The following MACC1 variants were observed in gnomAD, a reference collection of about 807,000 sequenced individuals.
The protein encoded by MACC1 is metastasis-associated in colon cancer protein 1.
In MACC1, 79 loss-of-function variants were observed where a neutral mutation model predicts 70.7. The ratio of observed to expected loss-of-function variants is 1.12; its 90% CI spans 0.93 to 1.35. The LOEUF (loss-of-function observed/expected upper bound fraction) is 1.35. Ranked by LOEUF, MACC1 falls within the 40% of genes most tolerant of loss-of-function variation. The probability of loss-of-function intolerance (pLI) is 0.00; values close to 1 mark genes in which losing one functional copy is unlikely to be tolerated. For synonymous variants in MACC1, 361 were observed against 347.2 expected, an observed-to-expected ratio of 1.04 and a Z score of -0.44; for missense variants, 1,106 against 978.1, an observed-to-expected ratio of 1.13 and a Z score of -1.74.
At chr7:20,171,387 G>A (rs915655088) in intron 1 of MACC1, among the ~76,000 whole-genome samples, 10 of 151,522 alleles carry the variant, frequency 6.6e-5, no homozygotes, top group Non-Finnish European at 1.2e-4. Flanking sequence ...GAGTAGCTGG[G>A]ACTACACGTG....
At position 20,137,187 on chromosome 7, in the gene MACC1, T is replaced by G. The variant is rs1781730494; in HGVS notation, c.*3759A>C. On this transcript the variant is annotated 3_prime_UTR_variant, in exon 7 of 7. Coordinates refer to ENST00000400331, the MANE Select transcript of MACC1 (RefSeq NM_182762.4). ...GTCCTTCAACTTCCAGTTATAGCAT[T>G]GTACAAATTTGAGTGTATGCATGTT... The G allele has an allele frequency of 6.6e-6, 1 of 152,136 alleles. No individual in the cohort carries two copies. Among genetic ancestry groups the G allele is most frequent in the African/African-American group, 2.4e-5 (1 of 41,418 alleles). The allele number at this position is 152,136 out of a possible 1,614,324, so 9.4% of individuals were successfully genotyped here.
At chr7:20,192,868 T>A (rs7797884) in intron 1 of MACC1, among the ~76,000 whole-genome samples, 6,865 of 152,332 alleles carry the variant, frequency 0.045, 196 homozygotes, top group East Asian at 0.097. Flanking sequence ...CATCCCGTAC[T>A]GATGAAATTG....
chr7:20,182,927 T>A (rs1782532468), intron 1 of MACC1, among the ~76,000 whole-genome samples: 1 of 152,240 alleles, frequency 6.6e-6, no homozygotes, highest in Admixed American at 6.5e-5. Flanking sequence ...ATTCTTATTC[T>A]GTAAAGATCT....
At chr7:20,209,251 C>T (rs1235485979) in intron 1 of MACC1, among the ~76,000 whole-genome samples, 1 of 152,172 alleles carries the variant, frequency 6.6e-6, no homozygotes, top group African/African-American at 2.4e-5. Context: ...AATGGTAAAT[C>T]TACTGACATT....
At chr7:20,169,223 C>A (rs1782264961) in intron 2 of MACC1, among the ~76,000 whole-genome samples, 1 of 152,134 alleles carries the variant, frequency 6.6e-6, no homozygotes, top group South Asian at 2.1e-4. Flanking sequence ...TAACTTTAAG[C>A]AATAGATGTT....
intron 1 of MACC1, among the ~76,000 whole-genome samples, chr7:20,202,171 T>C (rs1246610147): frequency 1.3e-5 from 2 of 152,208 alleles, no homozygotes; most frequent in African/African-American, 4.8e-5. Flanking sequence ...AGTGAAAGGA[T>C]AGTGTAGACA....
chr7:20,215,752 T>C (rs150233814), intron 1 of MACC1, among the ~76,000 whole-genome samples: 104 of 152,320 alleles, frequency 6.8e-4, no homozygotes, highest in African/African-American at 2.4e-3. Context: ...ATTAGTATAA[T>C]TCCAAAATGT....
intron 1 of MACC1, among the ~76,000 whole-genome samples, chr7:20,175,464 AC>A (rs1274247119): frequency 1.3e-5 from 2 of 152,236 alleles, no homozygotes; most frequent in African/African-American, 2.4e-5. Flanking sequence ...ACATAAAAAA[AC>A]ACTTATAGGT....
intron 1 of MACC1, among the ~76,000 whole-genome samples, chr7:20,185,355 A>G (rs1782569884): frequency 6.6e-6 from 1 of 152,192 alleles, no homozygotes; most frequent in African/African-American, 2.4e-5. Context: ...AATTACCTAA[A>G]CCAAGGAGGC....
At chr7:20,145,674 G>T (rs926956947) in intron 6 of MACC1, among the ~76,000 whole-genome samples, 1 of 152,048 alleles carries the variant, frequency 6.6e-6, no homozygotes, top group Non-Finnish European at 1.5e-5. Context: ...CAAGAAGAAA[G>T]GTTAACTTCC....
At chr7:20,145,848 CTA>C (rs1206690035) in intron 6 of MACC1, among the ~76,000 whole-genome samples, 2 of 152,198 alleles carry the variant, frequency 1.3e-5, no homozygotes, top group East Asian at 3.9e-4. Context: ...ATTGGGGGAA[CTA>C]TGTTTTCCCT....
chr7:20,176,324 G>C (rs915389217), intron 1 of MACC1, among the ~76,000 whole-genome samples: 5 of 151,984 alleles, frequency 3.3e-5, no homozygotes, highest in Admixed American at 3.3e-4. Flanking sequence ...CTATACATGA[G>C]ATAAAATGGC....
At chr7:20,166,734 G>A (rs1782225984) in intron 2 of MACC1, among the ~76,000 whole-genome samples, 1 of 152,142 alleles carries the variant, frequency 6.6e-6, no homozygotes, top group African/African-American at 2.4e-5. Context: ...CTCCAACCCT[G>A]GGAACTCAAA....
intron 5 of MACC1, 25 bp from the exon 6 acceptor site, chr7:20,154,406 A>G (rs748240789): frequency 1.9e-6 from 3 of 1,599,900 alleles, no homozygotes; most frequent in East Asian, 2.2e-5. Context: ...ACATGTCACA[A>G]TTAAAAGCAA....
At chr7:20,215,746 G>C (rs1015732670) in intron 1 of MACC1, among the ~76,000 whole-genome samples, 3 of 152,108 alleles carry the variant, frequency 2.0e-5, no homozygotes, top group African/African-American at 7.2e-5. Flanking sequence ...TTCAAAATTA[G>C]TATAATTCCA....
rs532712965 is a variant in MACC1 at position 20,139,981 on chromosome 7, G to A, written c.*965C>T. 5 of 151,918 alleles carry A rather than the reference G, an allele frequency of 3.3e-5. No individual in the cohort carries two copies. Among genetic ancestry groups the A allele is most frequent in the African/African-American group, 4.8e-5 (2 of 41,432 alleles). 9.4% of individuals were successfully genotyped at this position (151,918 alleles called of 1,614,324 possible). On this transcript the variant is annotated 3_prime_UTR_variant, in exon 7 of 7. Coordinates refer to ENST00000400331, the MANE Select transcript of MACC1 (RefSeq NM_182762.4). ...TGGTGGTGGTGGTTTTTAATAACTC[G>A]TATTATTAAAAATCTCCAAGAGCTA...
At chr7:20,141,483 G>C (rs1781801014) in intron 6 of MACC1, among the ~76,000 whole-genome samples, 1 of 151,958 alleles carries the variant, frequency 6.6e-6, no homozygotes, top group Non-Finnish European at 1.5e-5. Context: ...AAATGTTATT[G>C]AGATAGGCTT....
intron 1 of MACC1, among the ~76,000 whole-genome samples, chr7:20,202,961 A>G (rs1010655035): frequency 2.6e-5 from 4 of 152,188 alleles, no homozygotes; most frequent in Non-Finnish European, 4.4e-5. Context: ...GTGAGCAAAG[A>G]TAAGTATGTA....
chr7:20,188,254 A>G (rs1321503517), intron 1 of MACC1, among the ~76,000 whole-genome samples: 6 of 152,120 alleles, frequency 3.9e-5, no homozygotes, highest in African/African-American at 1.4e-4. Context: ...ATATCACAGA[A>G]CTTCAACCTG....
Sources: allele counts gnomAD v4.1 joint callset (sites outside exome capture counted in the v4.1 genomes callset), GRCh38; gene constraint gnomAD v4.1.1; transcripts MANE v1.5; gene names NCBI Gene and HGNC (gene_info 2026-07-23, HGNC 2026-07-21).